ZMPSTE24: variants seen among roughly 807,000 people sequenced by gnomAD.
ZMPSTE24 encodes zinc metallopeptidase STE24, also known as CAAX prenyl protease 1 homolog.
In ZMPSTE24, 48 loss-of-function variants were observed where a neutral mutation model predicts 56.7. That is an observed-to-expected ratio of 0.85 (90% CI 0.67 to 1.08). The LOEUF is 1.08. ZMPSTE24 is among the 50% of genes least tolerant of loss of function. The probability of loss-of-function intolerance (pLI) is 0.00; values close to 1 mark genes in which losing one functional copy is unlikely to be tolerated. For missense variants in ZMPSTE24, 503 were observed against 548.7 expected, an observed-to-expected ratio of 0.92 and a Z score of 0.83; for synonymous variants, 172 against 195.2, an observed-to-expected ratio of 0.88 and a Z score of 0.99.
At position 40,266,877 on chromosome 1, in the gene ZMPSTE24, T is replaced by C. The variant is rs374000545; in HGVS notation, c.271-909T>C. Among the ~76,000 whole-genome samples the C allele has an allele frequency of 8.1e-5, 12 of 147,710 alleles. 1 individual carries two copies. Among genetic ancestry groups the C allele is most frequent in the East Asian group, 4.1e-4 (2 of 4,852 alleles). ...CGACATCCCAGGCTCAAGCAATCCT[T>C]CTACCTCAGCTCCCCCGAGTAGCTG... On this transcript the variant is annotated intron_variant, in intron 2 of 9. Transcript: ENST00000372759.
chr1:40,264,543 A>G (rs1201195181), intron 2 of ZMPSTE24, among the ~76,000 whole-genome samples: 1 of 152,122 alleles, frequency 6.6e-6, no homozygotes, highest in Admixed American at 6.5e-5. Context: ...TCTATTAAAT[A>G]GAGATGATTA....
chr1:40,277,231 G>A (rs537711021), intron 6 of ZMPSTE24, among the ~76,000 whole-genome samples: 17 of 151,908 alleles, frequency 1.1e-4, no homozygotes, highest in South Asian at 1.0e-3. Context: ...GACTACAGGC[G>A]CCCGCCAGCA....
At position 40,285,698 on chromosome 1, in the gene ZMPSTE24, GTAGT is replaced by G. The variant is rs917595945; in HGVS notation, c.955-226_955-223del. 4.0e-4 allele frequency among the ~76,000 whole-genome samples: 60 copies of G among 151,602 alleles called. 2 individuals carry two copies. The highest frequency in any genetic ancestry group is 1.5e-3 in the African/African-American group (60 of 41,208). Reference sequence around the variant, plus strand: ...AGTTAGTCTAGACTGTGAGCTTTATGTAGTCTGGGAATGTCCATCTTGTTCGTCA... The same window carrying G: ...AGTTAGTCTAGACTGTGAGCTTTATGCTGGGAATGTCCATCTTGTTCGTCA... On this transcript the variant is annotated intron_variant, in intron 7 of 9. Coordinates refer to ENST00000372759, the MANE Select transcript of ZMPSTE24 (RefSeq NM_005857.5).
At chr1:40,261,009 G>C in intron 2 of ZMPSTE24, 24 bp downstream of exon 2, 1 of 1,613,860 alleles carries the variant, frequency 6.2e-7, no homozygotes, top group Non-Finnish European at 8.5e-7. Context: ...TTCTTGGAGA[G>C]ACAGTCTGTC....
At chr1:40,283,615 C>G (rs1643753456) in intron 7 of ZMPSTE24, among the ~76,000 whole-genome samples, 1 of 152,124 alleles carries the variant, frequency 6.6e-6, no homozygotes, top group Non-Finnish European at 1.5e-5. Context: ...TAAAATTTCA[C>G]ATACCTTGAT....
chr1:40,258,649 C>T (rs1454514464), intron 1 of ZMPSTE24, among the ~76,000 whole-genome samples: 1 of 152,148 alleles, frequency 6.6e-6, no homozygotes, highest in African/African-American at 2.4e-5. Context: ...GGCTCTTGTG[C>T]CCTCCCTGCA....
rs1452967284 is a variant in ZMPSTE24 at position 40,293,041 on chromosome 1, G to A, written c.*372G>A. On this transcript the variant is annotated 3_prime_UTR_variant, in exon 10 of 10. Coordinates refer to ENST00000372759, the MANE Select transcript of ZMPSTE24 (RefSeq NM_005857.5). Reference sequence around the variant, plus strand: ...GCATCACCACAGGAATCCTTTCTGTGAGGTGGAAACAGTGGTCCTGAATCA... The same window carrying A: ...GCATCACCACAGGAATCCTTTCTGTAAGGTGGAAACAGTGGTCCTGAATCA... 2.5e-5 allele frequency: 6 copies of A among 238,300 alleles called. No homozygotes were observed. The East Asian group carries it at 6.2e-4, about 25-fold the overall frequency. 14.8% of individuals were successfully genotyped at this position (238,300 alleles called of 1,614,324 possible).
intron 5 of ZMPSTE24, among the ~76,000 whole-genome samples, chr1:40,270,365 A>G (rs1471281558): frequency 6.6e-6 from 1 of 152,148 alleles, no homozygotes; most frequent in East Asian, 1.9e-4. Context: ...GTCACTTTTA[A>G]TGATTCAGTT....
At chr1:40,276,816 A>G (rs541373169) in intron 6 of ZMPSTE24, among the ~76,000 whole-genome samples, 440 of 152,310 alleles carry the variant, frequency 2.9e-3, no homozygotes, top group African/African-American at 0.01. Flanking sequence ...AAACCTATCT[A>G]GCGTGTTACT....
At position 40,271,894 on chromosome 1, in the gene ZMPSTE24, G is replaced by C. The variant is rs533459404; in HGVS notation, c.628G>C (p.Val210Leu). The C allele has an allele frequency of 3.1e-6, 5 of 1,613,188 alleles. No individual in the cohort carries two copies. Among genetic ancestry groups the C allele is most frequent in the Non-Finnish European group, 4.2e-6 (5 of 1,179,554 alleles). Residue 210 changes from valine (V) to leucine (L), a missense_variant and splice_region_variant, in exon 6 of 10, where the codon GTT (valine) becomes CTT (leucine). Val to Leu is a conservative substitution (Grantham distance 32, BLOSUM62 1). Transcript: ENST00000372759. ...AWLFTLVVSL[V>L]LVTIYADYIA... ...TGTTATTCTGACATTTACTTTTCAG[G>C]TTCTTGTCACAATCTATGCTGATTA...
In ZMPSTE24 at chr1:40,260,865, T is replaced by G. The variant is rs962621988; in HGVS notation, c.150T>G (p.His50Gln). ...GAAGGATATATAAAACAACAACTCA[T>G]GTACCACCGGAGTTAGGACAGATCA... ...RQRRIYKTTT[H>Q]VPPELGQIMD... Residue 50 changes from histidine (H) to glutamine (Q), a missense_variant, in exon 2 of 10, where the codon CAT becomes CAG. By Grantham distance (24) the His-to-Gln change is conservative. Coordinates refer to ENST00000372759, the MANE Select transcript of ZMPSTE24 (RefSeq NM_005857.5). 1 of 1,614,004 alleles carries G rather than the reference T, an allele frequency of 6.2e-7. No homozygotes were observed. Among genetic ancestry groups the G allele is most frequent in the Non-Finnish European group, 8.5e-7 (1 of 1,179,900 alleles).
chr1:40,280,017 G>C (rs1024977029), intron 6 of ZMPSTE24, among the ~76,000 whole-genome samples: 2 of 152,084 alleles, frequency 1.3e-5, no homozygotes, highest in African/African-American at 4.8e-5. Flanking sequence ...GGTTTGTTGT[G>C]TAAAATAAGA....
In ZMPSTE24 at chr1:40,261,406, G is replaced by A. The variant is rs372221872; in HGVS notation, c.270+421G>A. Among the ~76,000 whole-genome samples the A allele has an allele frequency of 7.9e-5, 12 of 151,678 alleles. 1 individual carries two copies. The highest frequency in any genetic ancestry group is 3.9e-4 in the East Asian group (2 of 5,154). ...GCTCTGTCACCCAGGCTGAAGTACAGTGGCGTGATCTTGGCTCACTGCAAC... is the reference window on the plus strand; with the variant it reads ...GCTCTGTCACCCAGGCTGAAGTACAATGGCGTGATCTTGGCTCACTGCAAC... On this transcript the variant is annotated intron_variant, in intron 2 of 9. Transcript: ENST00000372759.
rs144590457 is a variant in ZMPSTE24, at chr1:40,282,622, G to A, written c.954+1095G>A. Among the ~76,000 whole-genome samples, 447 of 152,304 alleles carry A rather than the reference G, an allele frequency of 2.9e-3. 3 individuals are homozygous for A. Among genetic ancestry groups the A allele is most frequent in the Non-Finnish European group, 5.7e-3 (387 of 68,034 alleles). Reference sequence around the variant, plus strand: ...CTCCCAAAGTGCTGGGATTATAGGCGTGTGCCACCGCACCCCGCCAAGCTT... The same window carrying A: ...CTCCCAAAGTGCTGGGATTATAGGCATGTGCCACCGCACCCCGCCAAGCTT... On this transcript the variant is annotated intron_variant, in intron 7 of 9. Transcript: ENST00000372759.
chr1:40,270,541 C>T (rs561827503), intron 5 of ZMPSTE24, among the ~76,000 whole-genome samples: 1 of 152,246 alleles, frequency 6.6e-6, no homozygotes, highest in South Asian at 2.1e-4. Context: ...AACTGGCTTT[C>T]TTCTGCTTCC....
chr1:40,282,093 C>T lies in ZMPSTE24; in HGVS notation c.954+566C>T, dbSNP rs571437202. 3.9e-5 allele frequency among the ~76,000 whole-genome samples: 6 copies of T among 152,124 alleles called. No individual in the cohort carries two copies. The East Asian group carries it at 1.2e-3, about 29-fold the overall frequency. The stretch of plus-strand genomic sequence containing the variant: ...GAGAGACTTTACTTGGCACTAGGTA[C>T]ACAAAAATAAAAAGGAATACCTTCC... On this transcript the variant is annotated intron_variant, in intron 7 of 9. Coordinates refer to ENST00000372759, the MANE Select transcript of ZMPSTE24 (RefSeq NM_005857.5).
In ZMPSTE24 at chr1:40,261,275, T is replaced by C. The variant is rs1022825636; in HGVS notation, c.270+290T>C. 5.3e-5 allele frequency among the ~76,000 whole-genome samples: 8 copies of C among 152,196 alleles called. No individual in the cohort carries two copies. The East Asian group carries it at 1.5e-3, about 29-fold the overall frequency. On this transcript the variant is annotated intron_variant, in intron 2 of 9. Transcript: ENST00000372759. ...AAGCAACCATTTGAAACTCCCTGCCTGACGAATGTGGATAGGGTAGCATTC... is the reference window on the plus strand; with the variant it reads ...AAGCAACCATTTGAAACTCCCTGCCCGACGAATGTGGATAGGGTAGCATTC...
At chr1:40,287,674 C>CAA (rs143468956) in intron 8 of ZMPSTE24, among the ~76,000 whole-genome samples, 8 of 77,414 alleles carry the variant, frequency 1.0e-4, no homozygotes, top group Admixed American at 1.4e-4. Flanking sequence ...GACTCTGTCT[C>CAA]AAAAAAAAAA....
At chr1:40,277,072 C>T (rs1194342532) in intron 6 of ZMPSTE24, among the ~76,000 whole-genome samples, 1 of 150,634 alleles carries the variant, frequency 6.6e-6, no homozygotes, top group Non-Finnish European at 1.5e-5. Flanking sequence ...GCTTACAGTA[C>T]AGTACAGGGA....
Sources: allele counts gnomAD v4.1 joint callset (sites outside exome capture counted in the v4.1 genomes callset), GRCh38; gene constraint gnomAD v4.1.1; transcripts MANE v1.5; gene names NCBI Gene and HGNC (gene_info 2026-07-23, HGNC 2026-07-21).